The following FMNL1 variants were observed in gnomAD, a reference collection of about 807,000 sequenced individuals.
FMNL1 encodes the protein formin like 1.
Under a neutral mutation model 121.3 loss-of-function variants are expected in FMNL1, and 43 were observed. The ratio of observed to expected loss-of-function variants is 0.35; its 90% CI spans 0.28 to 0.46. The LOEUF (loss-of-function observed/expected upper bound fraction) is 0.46, where lower values mean the gene tolerates loss of function less well. FMNL1 is among the 20% of genes least tolerant of loss of function. FMNL1 has a pLI of 1.00. For missense variants in FMNL1, 1,191 were observed against 1,482.4 expected, an observed-to-expected ratio of 0.80 and a Z score of 3.23; for synonymous variants, 613 against 613.5, an observed-to-expected ratio of 1.00 and a Z score of 0.01.
At chr17:45,234,288 G>C (rs748591833) in intron 6 of FMNL1, 88 bp downstream of exon 6, 23 of 1,604,804 alleles carry the variant, frequency 1.4e-5, no homozygotes, top group Non-Finnish European at 2.0e-5. Context: ...CGGGCCCTTG[G>C]GGTTGGCGAG....
In FMNL1 at chr17:45,245,922, C is replaced by T. The variant is rs2043820486; in HGVS notation, c.3039C>T (p.Ala1013=). ...EVEQWKKEAA[A]QEAGADTPGK... is the part of the protein sequence containing the mutation. The stretch of plus-strand genomic sequence containing the variant: ...AACAGTGGAAAAAAGAAGCCGCTGC[C>T]CAGGAGGCAGGCGCTGATACCCCGG... The change falls in exon 24 of 27, where the codon GCC becomes GCT. Residue 1013 remains alanine (A), a synonymous_variant. Coordinates refer to ENST00000331495, the MANE Select transcript of FMNL1 (RefSeq NM_005892.4). 6.3e-7 allele frequency: 1 copy of T among 1,589,654 alleles called. No homozygotes were observed. The highest frequency in any genetic ancestry group is 8.5e-7 in the Non-Finnish European group (1 of 1,171,838).
At chr17:45,242,245 TGCTGCCTCCTG>T in intron 15 of FMNL1, 85 bp from the exon 16 acceptor site, 2 of 1,576,950 alleles carry the variant, frequency 1.3e-6, no homozygotes, top group East Asian at 4.5e-5. Flanking sequence ...GGGGGCCTCC[TGCTGCCTCCTG>T]GCTGCCCCAT....
In FMNL1 at chr17:45,237,372, C is replaced by G. The variant is rs765018636; in HGVS notation, c.800+15C>G. 6.2e-7 allele frequency: 1 copy of G among 1,614,086 alleles called. No homozygotes were observed. Among genetic ancestry groups the G allele is most frequent in the Non-Finnish European group, 8.5e-7 (1 of 1,179,972 alleles). On this transcript the variant is annotated intron_variant, in intron 8 of 26. Coordinates refer to ENST00000331495, the MANE Select transcript of FMNL1 (RefSeq NM_005892.4). The surrounding 1 kb of genome is among the most constrained non-coding windows in gnomAD (Gnocchi z 4.4). ...AAGAACCCCAGGTGAGGTCCAGGCC[C>G]CAAACCTTTCTCCGTATCTAGAGTC...
At chr17:45,235,807 C>T (rs1036063856) in intron 6 of FMNL1, among the ~76,000 whole-genome samples, 17 of 152,208 alleles carry the variant, frequency 1.1e-4, no homozygotes, top group Non-Finnish European at 1.8e-4. Context: ...TTCAGATCTG[C>T]GTCTTACATT....
Position 45,233,900 on chromosome 17 carries a change from G to A in FMNL1, c.485+169G>A. 2 of 1,310,962 alleles carry A rather than the reference G, an allele frequency of 1.5e-6. No homozygotes were observed. The highest frequency in any genetic ancestry group is 2.1e-6 in the Non-Finnish European group (2 of 966,584). 81.2% of individuals were successfully genotyped at this position (1,310,962 alleles called of 1,614,324 possible). On this transcript the variant is annotated intron_variant, in intron 5 of 26. Coordinates refer to ENST00000331495, the MANE Select transcript of FMNL1 (RefSeq NM_005892.4). This position sits in a 1 kb window ranked among gnomAD's most constrained non-coding sequence, Gnocchi z 4.1. ...CCTTCCAGAAGGCCTGCCCCCGACA[G>A]GGAGGGGTGGCCTCTCTTCCACCAC...
intron 1 of FMNL1, among the ~76,000 whole-genome samples, chr17:45,226,168 C>G (rs893816831): frequency 2.0e-5 from 3 of 152,224 alleles, no homozygotes. Context: ...GCAGTGGGGC[C>G]CAGACCGAAA....
chr17:45,234,262 TC>T (rs771623262), intron 6 of FMNL1, 62 bp downstream of exon 6: 1 of 1,611,922 alleles, frequency 6.2e-7, no homozygotes, highest in East Asian at 2.2e-5. Context: ...CACTGCTGCA[TC>T]TAGCCAGCCC....
chr17:45,234,293 G>A (rs1708782063), intron 6 of FMNL1, 93 bp downstream of exon 6: 4 of 1,600,362 alleles, frequency 2.5e-6, no homozygotes, highest in Non-Finnish European at 3.4e-6. Flanking sequence ...CCTTGGGGTT[G>A]GCGAGAGGGG....
chr17:45,225,812 T>C (rs896933777), intron 1 of FMNL1, among the ~76,000 whole-genome samples: 1 of 152,134 alleles, frequency 6.6e-6, no homozygotes, highest in Non-Finnish European at 1.5e-5. Flanking sequence ...ACAAGTTACT[T>C]AACTTCTCTG....
Position 45,238,521 on chromosome 17 carries a change from C to T in FMNL1, c.895-43C>T, listed in dbSNP as rs376672079. On this transcript the variant is annotated intron_variant, in intron 9 of 26. Transcript: ENST00000331495. ...GTGGCAGCCAGAAGGTAGCTTAGGA[C>T]GTGTGTCACTGGGCCTCAGTGAGAG... 494 of 1,605,752 alleles carry T rather than the reference C, an allele frequency of 3.1e-4. No individual in the cohort carries two copies. The Middle Eastern group carries it at 3.3e-3, about 11-fold the overall frequency.
In FMNL1 at chr17:45,244,825, C is replaced by T; in HGVS notation, c.2524C>T (p.Leu842=). 2 of 1,612,798 alleles carry T rather than the reference C, an allele frequency of 1.2e-6. No individual in the cohort carries two copies. The highest frequency in any genetic ancestry group is 1.7e-6 in the Non-Finnish European group (2 of 1,179,348). Residue 842 remains leucine (L), a synonymous_variant, in exon 20 of 27, where the codon CTG becomes TTG. Transcript: ENST00000331495. ...DKLRQILEIV[L]AFGNYMNSSK... ...TTTCTCCTGCCTCTCCCAGATTGTC[C>T]TGGCCTTTGGCAACTACATGAACAG...
At chr17:45,243,034 T>TG in intron 16 of FMNL1, 84 bp from the exon 17 acceptor site, 1 of 1,465,464 alleles carries the variant, frequency 6.8e-7, no homozygotes, top group East Asian at 2.3e-5. Flanking sequence ...CAGGGCCAGA[T>TG]GGATGGCTCT....
In FMNL1 at chr17:45,244,811, T is replaced by C. The variant is rs1431914565; in HGVS notation, c.2518-8T>C. The stretch of plus-strand genomic sequence containing the variant: ...CATTCTGCTGAGCCTTTCTCCTGCC[T>C]CTCCCAGATTGTCCTGGCCTTTGGC... On this transcript the variant is annotated splice_polypyrimidine_tract_variant and splice_region_variant and intron_variant, in intron 19 of 26. Coordinates refer to ENST00000331495, the MANE Select transcript of FMNL1 (RefSeq NM_005892.4). The C allele has an allele frequency of 6.2e-7, 1 of 1,608,174 alleles. No homozygotes were observed. The highest frequency in any genetic ancestry group is 2.2e-5 in the East Asian group (1 of 44,828).
chr17:45,233,717 C>T lies in FMNL1; in HGVS notation c.471C>T (p.Ala157=), dbSNP rs1244131995. ...LDVLLEYLAF[A]QCSVTYDMES... ...TGCTGCTCGAGTACCTGGCCTTTGC[C>T]CAGTGCTCTGTCACGTAAGCCCCCT... Residue 157 remains alanine, a synonymous_variant, in exon 5 of 27, where the codon GCC becomes GCT. Transcript: ENST00000331495. This position sits in a 1 kb window ranked among gnomAD's most constrained non-coding sequence, Gnocchi z 4.1. 4.3e-6 allele frequency: 7 copies of T among 1,613,864 alleles called. No homozygotes were observed. Among genetic ancestry groups the T allele is most frequent in the Non-Finnish European group, 4.2e-6 (5 of 1,179,974 alleles).
chr17:45,229,846 G>A (rs2043402783), intron 1 of FMNL1, among the ~76,000 whole-genome samples: 2 of 152,068 alleles, frequency 1.3e-5, no homozygotes, highest in South Asian at 2.1e-4. Context: ...CCAGCTGGGC[G>A]GCCCCCACCA....
At chr17:45,242,169 G>A (rs2043719631) in intron 15 of FMNL1, 23 bp downstream of exon 15, 7 of 1,522,414 alleles carry the variant, frequency 4.6e-6, no homozygotes, top group African/African-American at 1.4e-5. Context: ...GACCACCTTG[G>A]GCCCGGGGCT....
At position 45,243,946 on chromosome 17, in the gene FMNL1, G is replaced by T. The variant is rs112546177; in HGVS notation, c.2369G>T (p.Arg790Leu). Reference protein sequence around the residue: ...EEDRFMLCFSRIPRLPERMTT... With the variant: ...EEDRFMLCFSLIPRLPERMTT... ...GACCGCTTCATGCTATGCTTCAGCC[G>T]CATCCCGCGCCTGCCGGAGCGCATG... Residue 790 changes from arginine to leucine, a missense_variant, in exon 18 of 27, where the codon CGC (arginine) becomes CTC (leucine). Physicochemically the swap from Arg to Leu is moderately radical, Grantham distance 102. Coordinates refer to ENST00000331495, the MANE Select transcript of FMNL1 (RefSeq NM_005892.4). 1.2e-6 allele frequency: 2 copies of T among 1,613,464 alleles called. No homozygotes were observed. The highest frequency in any genetic ancestry group is 1.1e-5 in the South Asian group (1 of 91,086).
In FMNL1 at chr17:45,242,113, G is replaced by A; in HGVS notation, c.1852G>A (p.Ala618Thr). ...GCCGCCTCCCGGAGGTCCTCCTGAT[G>A]CCCTAGGAAGACGCGACTCAGAATT... ...PPPPPGGPPD[A>T]LGRRDSELGP... The change falls in exon 15 of 27, where the codon GCC becomes ACC. Residue 618 changes from alanine to threonine, a missense_variant. Coordinates refer to ENST00000331495, the MANE Select transcript of FMNL1 (RefSeq NM_005892.4). The A allele has an allele frequency of 1.3e-6, 2 of 1,517,822 alleles. No homozygotes were observed. The highest frequency in any genetic ancestry group is 1.8e-6 in the Non-Finnish European group (2 of 1,133,636). The allele number at this position is 1,517,822 out of a possible 1,614,324, so 94.0% of individuals were successfully genotyped here.
chr17:45,222,287 CG>C, intron 1 of FMNL1, 34 bp downstream of exon 1: 1 of 1,153,872 alleles, frequency 8.7e-7, no homozygotes, highest in East Asian at 4.2e-5. Context: ...CGGGCGCGGG[CG>C]GGGGGCGGCA....
Sources: allele counts gnomAD v4.1 joint callset (sites outside exome capture counted in the v4.1 genomes callset), GRCh38; gene constraint gnomAD v4.1.1; non-coding constraint Gnocchi (gnomAD v3.1); transcripts MANE v1.5; gene names NCBI Gene and HGNC (gene_info 2026-07-23, HGNC 2026-07-21).